The following DGKH variants were observed in gnomAD, a reference collection of about 807,000 sequenced individuals.
DGKH encodes diacylglycerol kinase eta.
A neutral mutation model predicts 159.3 loss-of-function variants in DGKH; 90 were observed. That is an observed-to-expected ratio of 0.57 (90% CI 0.48 to 0.67). The LOEUF is 0.67. Among genes scored for constraint, DGKH ranks in the 30% least tolerant of loss-of-function variants. DGKH has a pLI of 0.00. For missense variants in DGKH, 1,181 were observed against 1,506.1 expected, an observed-to-expected ratio of 0.78 and a Z score of 3.57; for synonymous variants, 536 against 553.8, an observed-to-expected ratio of 0.97 and a Z score of 0.45.
chr13:42,189,394 G>T, intron 15 of DGKH, 85 bp downstream of exon 15: 1 of 1,534,534 alleles, frequency 6.5e-7, no homozygotes, highest in African/African-American at 1.4e-5. Flanking sequence ...GGTCAGATTG[G>T]ACACACTTTT....
In DGKH at chr13:42,198,593, C is replaced by G; in HGVS notation, c.2283C>G (p.Ser761=). 7 of 1,603,964 alleles carry G rather than the reference C, an allele frequency of 4.4e-6. No individual in the cohort carries two copies. Among genetic ancestry groups the G allele is most frequent in the Non-Finnish European group, 5.9e-6 (7 of 1,176,738 alleles). The change falls in exon 18 of 30, where the codon TCC becomes TCG. Residue 761 remains serine (S), a splice_region_variant and synonymous_variant. Coordinates refer to ENST00000337343, the MANE Select transcript of DGKH (RefSeq NM_178009.5). ...CGTTTATTGACCCGGATCTAGATTC[C>G]GTGTAAGAAAATGCTTTTGCAAATA... ...ATPFIDPDLD[S]VDGYSEKCVM...
At chr13:42,101,857 C>T in intron 1 of DGKH, among the ~76,000 whole-genome samples, 1 of 152,044 alleles carries the variant, frequency 6.6e-6, no homozygotes. Context: ...AAGACTGGAT[C>T]TGTTGTAGAC....
intron 26 of DGKH, among the ~76,000 whole-genome samples, chr13:42,218,571 C>T (rs1283536784): frequency 1.4e-5 from 2 of 142,858 alleles, no homozygotes; most frequent in African/African-American, 5.3e-5. Flanking sequence ...TGCAGTGGCG[C>T]TATCTCTGCT....
chr13:42,255,132 G>C lies in DGKH; in HGVS notation n.4128-1152G>C, dbSNP rs550116816. Among the ~76,000 whole-genome samples the C allele has an allele frequency of 2.0e-5, 3 of 150,998 alleles. No homozygotes were observed. In the East Asian group the frequency reaches 5.8e-4, roughly 29 times the overall value. ...AATGGCATACATTATATTTCTATTA[G>C]ACTGTGGTAGTCTCAATAATCTAGT... On this transcript the variant is annotated intron_variant and non_coding_transcript_variant, in intron 30 of 30. Coordinates refer to the DGKH transcript ENST00000498255.
chr13:42,219,258 T>G lies in DGKH; in HGVS notation c.3242T>G (p.Val1081Gly), dbSNP rs1225600935. ...LQLESPHEER[V>G]SNALHSVEVE... ...CTGGAATCGCCACATGAAGAGCGAGTATCCAATGCCTTACACTCTGTGGAG... is the reference window on the plus strand; with the variant it reads ...CTGGAATCGCCACATGAAGAGCGAGGATCCAATGCCTTACACTCTGTGGAG... The change falls in exon 27 of 30, where the codon GTA (valine) becomes GGA (glycine). Residue 1081 changes from valine (V) to glycine (G), a missense_variant. Physicochemically the swap from Val to Gly is moderately radical, Grantham distance 109. Coordinates refer to ENST00000337343, the MANE Select transcript of DGKH (RefSeq NM_178009.5). The G allele has an allele frequency of 7.4e-6, 12 of 1,613,626 alleles. No individual in the cohort carries two copies. The highest frequency in any genetic ancestry group is 1.0e-5 in the Non-Finnish European group (12 of 1,179,844).
chr13:42,192,150 C>T (rs964717419), intron 16 of DGKH, among the ~76,000 whole-genome samples: 4 of 152,100 alleles, frequency 2.6e-5, no homozygotes, highest in Non-Finnish European at 5.9e-5. Flanking sequence ...ATTACATTAA[C>T]GGTGAGAGAA....
chr13:42,256,188 T>G (rs1958656167), intron 30 of DGKH: 2 of 1,232,478 alleles, frequency 1.6e-6, no homozygotes, highest in Non-Finnish European at 2.4e-6. Flanking sequence ...GCTGTAACAG[T>G]TGGAGGCAGC....
intron 1 of DGKH, among the ~76,000 whole-genome samples, chr13:42,102,364 A>C (rs1954667885): frequency 6.6e-6 from 1 of 152,254 alleles, no homozygotes. Flanking sequence ...TCCAGGGGCC[A>C]GGAGAAGCCT....
intron 1 of DGKH, among the ~76,000 whole-genome samples, chr13:42,102,686 C>T (rs928480961): frequency 4.6e-5 from 7 of 152,188 alleles, no homozygotes; most frequent in Admixed American, 3.3e-4. Flanking sequence ...GGAGAGACAA[C>T]TTTGAGTAGA....
chr13:42,230,902 T>C lies in DGKH; in HGVS notation c.*1714T>C, dbSNP rs1958274179. 1 of 152,222 alleles carries C rather than the reference T, an allele frequency of 6.6e-6. No individual in the cohort carries two copies. The highest frequency in any genetic ancestry group is 1.5e-5 in the Non-Finnish European group (1 of 68,040). 9.4% of individuals were successfully genotyped at this position (152,222 alleles called of 1,614,324 possible). On this transcript the variant is annotated 3_prime_UTR_variant, in exon 30 of 30. Coordinates refer to ENST00000337343, the MANE Select transcript of DGKH (RefSeq NM_178009.5). ...AACTGTTTGACACTTTACTCTTGTTTATAACTTGGGTATTTAACTACTAGT... is the reference window on the plus strand; with the variant it reads ...AACTGTTTGACACTTTACTCTTGTTCATAACTTGGGTATTTAACTACTAGT...
chr13:42,127,375 T>C, intron 1 of DGKH, 88 bp from the exon 2 acceptor site: 2 of 900,290 alleles, frequency 2.2e-6, no homozygotes, highest in South Asian at 3.0e-5. Flanking sequence ...TTATTCAAAA[T>C]GTTAATGAAA....
intron 3 of DGKH, among the ~76,000 whole-genome samples, chr13:42,134,405 A>T (rs1042892928): frequency 5.9e-5 from 9 of 152,068 alleles, no homozygotes; most frequent in African/African-American, 1.5e-4. Flanking sequence ...GGAGTTAATA[A>T]CTTTGTTTTT....
chr13:42,245,592 T>C (rs954828453), downstream of DGKH, among the ~76,000 whole-genome samples: 5 of 151,926 alleles, frequency 3.3e-5, no homozygotes, highest in African/African-American at 1.2e-4. Context: ...CCAATACTTT[T>C]GTTTTTTTTT....
At chr13:42,121,821 C>T (rs1323159230) in intron 1 of DGKH, among the ~76,000 whole-genome samples, 1 of 152,170 alleles carries the variant, frequency 6.6e-6, no homozygotes, top group Non-Finnish European at 1.5e-5. Context: ...AACCCAGGTT[C>T]CTGGGACACA....
At position 42,159,656 on chromosome 13, in the gene DGKH, G is replaced by T. The variant is rs1263491675; in HGVS notation, c.729+284G>T. On this transcript the variant is annotated intron_variant, in intron 6 of 29. Transcript: ENST00000337343. The stretch of plus-strand genomic sequence containing the variant: ...ATGTTCTTTAAGGCTTAGCTGAGAG[G>T]TTCACTCTTCAGACATTGGGGTTGC... Among the ~76,000 whole-genome samples, 4 of 151,980 alleles carry T rather than the reference G, an allele frequency of 2.6e-5. No individual in the cohort carries two copies. In the East Asian group the frequency reaches 7.7e-4, roughly 29 times the overall value.
At chr13:42,210,403 AT>A (rs1291043879) in intron 23 of DGKH, among the ~76,000 whole-genome samples, 198 bp from the exon 24 acceptor site, 1 of 152,146 alleles carries the variant, frequency 6.6e-6, no homozygotes, top group Non-Finnish European at 1.5e-5. Context: ...TAACTTTTAA[AT>A]GATGTATTCA....
chr13:42,115,700 A>G (rs909405449), intron 1 of DGKH, among the ~76,000 whole-genome samples: 1 of 152,208 alleles, frequency 6.6e-6, no homozygotes, highest in East Asian at 1.9e-4. Flanking sequence ...GGGGCTGTTA[A>G]GGAAGGTGGG....
rs549797258 is a variant in DGKH, at chr13:42,167,185, T to C, written c.1118+511T>C. Among the ~76,000 whole-genome samples the C allele has an allele frequency of 2.0e-5, 3 of 152,346 alleles. No individual in the cohort carries two copies. The South Asian group carries it at 6.2e-4, about 32-fold the overall frequency. On this transcript the variant is annotated intron_variant, in intron 9 of 29. Coordinates refer to ENST00000337343, the MANE Select transcript of DGKH (RefSeq NM_178009.5). The stretch of plus-strand genomic sequence containing the variant: ...GTCATATAACTTAAAATCTGTAAGA[T>C]AAAATGAACTAAGTGGTATTTTCAC...
rs1379227482 is a variant in DGKH at position 42,235,002 on chromosome 13, T to C, written c.*5814T>C. The C allele has an allele frequency of 6.6e-6, 1 of 152,230 alleles. No homozygotes were observed. The allele number at this position is 152,230 out of a possible 1,614,324, so 9.4% of individuals were successfully genotyped here. A position where few individuals can be genotyped will look rare whatever the true frequency, so the allele number is the denominator to read the frequency against. On this transcript the variant is annotated 3_prime_UTR_variant, in exon 30 of 30. Transcript: ENST00000337343. ...TTATTATTTCTTTCCAACTTTTGTT[T>C]GGAGACATTTATGTTAGAAGAAAAA...
Sources: allele counts gnomAD v4.1 joint callset (sites outside exome capture counted in the v4.1 genomes callset), GRCh38; gene constraint gnomAD v4.1.1; transcripts MANE v1.5; gene names NCBI Gene and HGNC (gene_info 2026-07-23, HGNC 2026-07-21).